LINGO2: variants seen among roughly 807,000 people sequenced by gnomAD.
The protein encoded by LINGO2 is leucine-rich repeat and immunoglobulin-like domain-containing nogo receptor-interacting protein 2.
In LINGO2, 14 loss-of-function variants were observed where a neutral mutation model predicts 30.6. The observed-to-expected ratio is 0.46, with a 90% CI of 0.30 to 0.72. The LOEUF (loss-of-function observed/expected upper bound fraction) is 0.72. LINGO2 is among the 30% of genes least tolerant of loss of function. LINGO2 has a pLI of 0.07. For synonymous variants in LINGO2, 317 were observed against 288.5 expected (o/e 1.10, Z -1.00); for missense variants, 729 against 751.7 (o/e 0.97, Z 0.35).
chr9:28,990,474 T>A, the LINGO2 span, among the ~76,000 whole-genome samples: 5 of 152,238 alleles, frequency 3.3e-5, no homozygotes, highest in African/African-American at 1.2e-4. Flanking sequence ...GACTTAAATG[T>A]CCCTGTCTGA....
At chr9:27,947,788 T>C (rs1039346899), downstream of LINGO2, among the ~76,000 whole-genome samples, 2 of 152,232 alleles carry the variant, frequency 1.3e-5, no homozygotes, top group Admixed American at 1.3e-4. Context: ...AAGAACTCTT[T>C]CTTATTCAGA....
At chr9:28,601,361 G>C (rs946886326) in intron 1 of LINGO2, among the ~76,000 whole-genome samples, 1 of 152,134 alleles carries the variant, frequency 6.6e-6, no homozygotes, top group African/African-American at 2.4e-5. Context: ...CAGGCAGCCA[G>C]GTGCCCGCAA....
chr9:28,072,175 C>T (rs150809902), intron 4 of LINGO2, among the ~76,000 whole-genome samples: 24 of 152,272 alleles, frequency 1.6e-4, no homozygotes, highest in African/African-American at 4.8e-4. Flanking sequence ...GAAAGGGACT[C>T]GCACAACATG....
chr9:28,995,676 A>C, the LINGO2 span, among the ~76,000 whole-genome samples: 1 of 152,326 alleles, frequency 6.6e-6, no homozygotes, highest in Non-Finnish European at 1.5e-5. Flanking sequence ...TACACTATGG[A>C]ATACTATGCA....
chr9:28,431,661 C>A (rs1416066960), intron 2 of LINGO2, among the ~76,000 whole-genome samples: 4 of 152,256 alleles, frequency 2.6e-5, no homozygotes, highest in Admixed American at 6.5e-5. Flanking sequence ...CGGTCATTCT[C>A]CCAGTTCATG....
At chr9:29,148,101 A>C in the LINGO2 span, among the ~76,000 whole-genome samples, 2 of 152,116 alleles carry the variant, frequency 1.3e-5, no homozygotes, top group African/African-American at 4.8e-5. Flanking sequence ...AGTGGTCTAA[A>C]ATAACATCTA....
At chr9:28,280,870 G>A (rs1210528421) in intron 4 of LINGO2, among the ~76,000 whole-genome samples, 1 of 152,134 alleles carries the variant, frequency 6.6e-6, no homozygotes, top group Non-Finnish European at 1.5e-5. Context: ...GCTTCTCTGG[G>A]TAGTCAGACT....
chr9:27,997,537 A>T (rs1197928214), intron 5 of LINGO2, among the ~76,000 whole-genome samples: 5 of 152,110 alleles, frequency 3.3e-5, no homozygotes, highest in African/African-American at 1.2e-4. Flanking sequence ...TTTTCTAATG[A>T]ATTACTAAGT....
At chr9:28,430,109 C>CGCGCGCATGT (rs569701444) in intron 2 of LINGO2, among the ~76,000 whole-genome samples, 1 of 136,100 alleles carries the variant, frequency 7.3e-6, no homozygotes, top group Non-Finnish European at 1.7e-5. Flanking sequence ...CGCGCGCGCG[C>CGCGCGCATGT]GTGTGTGTGT....
chr9:28,481,723 C>T (rs925243390), intron 1 of LINGO2, among the ~76,000 whole-genome samples: 2 of 152,064 alleles, frequency 1.3e-5, no homozygotes, highest in African/African-American at 4.8e-5. Context: ...GCTGCACCCA[C>T]TAACTCATCA....
the LINGO2 span, among the ~76,000 whole-genome samples, chr9:28,838,343 CATACA>C: frequency 2.0e-5 from 3 of 152,184 alleles, no homozygotes; most frequent in African/African-American, 7.2e-5. Context: ...TAGTTGTTCT[CATACA>C]ATACATTATT....
chr9:28,295,801 G>A (rs1407333128), intron 3 of LINGO2, among the ~76,000 whole-genome samples: 1 of 152,164 alleles, frequency 6.6e-6, no homozygotes, highest in Admixed American at 6.6e-5. Context: ...ACAAGATTGT[G>A]GATCAAGGAC....
At chr9:28,606,902 T>C (rs924271372) in intron 1 of LINGO2, among the ~76,000 whole-genome samples, 1 of 152,084 alleles carries the variant, frequency 6.6e-6, no homozygotes, top group Non-Finnish European at 1.5e-5. Flanking sequence ...CAAGTGTTCT[T>C]ACAAAAAACA....
At position 28,641,882 on chromosome 9, in the gene LINGO2, G is replaced by C. The variant is rs370211201; in HGVS notation, c.-365+28318C>G. Among the ~76,000 whole-genome samples, 44 of 152,252 alleles carry C rather than the reference G, an allele frequency of 2.9e-4. No individual in the cohort carries two copies. The East Asian group carries it at 5.6e-3, about 19-fold the overall frequency. ...TGAGACTAAATAACCATGTGTCCTG[G>C]AGGGGCTGTGGAGATCTTAAGAACT... On this transcript the variant is annotated intron_variant, in intron 1 of 5. Transcript: ENST00000379992.
the LINGO2 span, among the ~76,000 whole-genome samples, chr9:28,995,570 C>T: frequency 1.1e-4 from 17 of 152,108 alleles, no homozygotes; most frequent in African/African-American, 3.9e-4. Flanking sequence ...CACATGCGCA[C>T]GTATGTTTAT....
chr9:28,944,686 G>C, the LINGO2 span, among the ~76,000 whole-genome samples: 139 of 152,238 alleles, frequency 9.1e-4, 1 homozygote, highest in African/African-American at 3.3e-3. Flanking sequence ...GACTACAGGC[G>C]TGAGCCACCA....
intron 2 of LINGO2, among the ~76,000 whole-genome samples, chr9:28,438,926 C>T (rs372208589): frequency 3.1e-5 from 4 of 130,454 alleles, no homozygotes; most frequent in Admixed American, 7.6e-5. Flanking sequence ...AAATATATAT[C>T]TATACATTAT....
At chr9:28,155,631 A>G (rs2133573971) in intron 4 of LINGO2, among the ~76,000 whole-genome samples, 1 of 152,332 alleles carries the variant, frequency 6.6e-6, no homozygotes, top group Non-Finnish European at 1.5e-5. Context: ...CAATTATGAG[A>G]CAAAATCAGC....
At chr9:28,938,504 A>G in the LINGO2 span, among the ~76,000 whole-genome samples, 1 of 152,224 alleles carries the variant, frequency 6.6e-6, no homozygotes, top group Non-Finnish European at 1.5e-5. Context: ...GGCCACATAT[A>G]TAATGGTTGT....
Sources: allele counts gnomAD v4.1 joint callset (sites outside exome capture counted in the v4.1 genomes callset), GRCh38; gene constraint gnomAD v4.1.1; transcripts MANE v1.5; gene names NCBI Gene and HGNC (gene_info 2026-07-23, HGNC 2026-07-21).